GRIK1: variants seen among roughly 807,000 people sequenced by gnomAD.
GRIK1 encodes the protein glutamate ionotropic receptor kainate type subunit 1, also known as glutamate receptor ionotropic, kainate 1.
In GRIK1, 69 loss-of-function variants were observed where a neutral mutation model predicts 105.7. The ratio of observed to expected loss-of-function variants is 0.65; its 90% confidence interval spans 0.54 to 0.80. GRIK1 has a LOEUF of 0.80. GRIK1 is among the 30% of genes least tolerant of loss of function. The probability of loss-of-function intolerance (pLI) is 0.00; values close to 1 mark genes in which losing one functional copy is unlikely to be tolerated. For missense variants in GRIK1, 1,109 were observed against 1,167.3 expected, an observed-to-expected ratio of 0.95 and a Z score of 0.73; for synonymous variants, 438 against 431.3, an observed-to-expected ratio of 1.02 and a Z score of -0.19.
At chr21:29,773,543 C>G (rs928096342) in intron 1 of GRIK1, among the ~76,000 whole-genome samples, 10 of 152,098 alleles carry the variant, frequency 6.6e-5, no homozygotes, top group Non-Finnish European at 1.5e-4. Flanking sequence ...CTTTATCACA[C>G]TCTACAAAGG....
intron 5 of GRIK1, 83 bp from the exon 6 acceptor site, chr21:29,651,374 C>T: frequency 2.3e-6 from 2 of 862,440 alleles, no homozygotes; most frequent in Non-Finnish European, 1.7e-6. Context: ...GATTGTAGCA[C>T]CAACTAATAC....
At chr21:29,651,818 G>A (rs764910630) in intron 5 of GRIK1, among the ~76,000 whole-genome samples, 1 of 151,030 alleles carries the variant, frequency 6.6e-6, no homozygotes, top group African/African-American at 2.4e-5. Flanking sequence ...GCATCTATTG[G>A]AGGTCTCAGA....
chr21:29,615,600 CG>C (rs749300813), intron 7 of GRIK1, among the ~76,000 whole-genome samples: 6 of 152,180 alleles, frequency 3.9e-5, no homozygotes, highest in Non-Finnish European at 8.8e-5. Context: ...TGAGCCACGG[CG>C]CCTGGCCCCA....
At chr21:29,824,072 G>C (rs542646508) in intron 1 of GRIK1, among the ~76,000 whole-genome samples, 42 of 151,934 alleles carry the variant, frequency 2.8e-4, no homozygotes, top group African/African-American at 9.9e-4. Context: ...TCTGGTGAGG[G>C]GTGGTGGTGA....
intron 1 of GRIK1, among the ~76,000 whole-genome samples, chr21:29,699,206 T>G (rs2063766955): frequency 6.6e-6 from 1 of 152,216 alleles, no homozygotes; most frequent in Admixed American, 6.5e-5. Context: ...GGTAAGTCAC[T>G]GTTATGGACT....
At chr21:29,575,236 C>A (rs1187495020) in intron 14 of GRIK1, among the ~76,000 whole-genome samples, 4 of 151,570 alleles carry the variant, frequency 2.6e-5, no homozygotes, top group African/African-American at 7.3e-5. Context: ...TTTTTCCTAA[C>A]CTTAGTTTTT....
chr21:29,912,573 G>T (rs751064319), intron 1 of GRIK1, among the ~76,000 whole-genome samples: 5 of 151,994 alleles, frequency 3.3e-5, no homozygotes, highest in Non-Finnish European at 7.4e-5. Context: ...CTTTCAAAAG[G>T]TATATGGGAA....
intron 1 of GRIK1, among the ~76,000 whole-genome samples, chr21:29,935,088 C>A (rs2071702667): frequency 6.6e-6 from 1 of 152,142 alleles, no homozygotes; most frequent in African/African-American, 2.4e-5. Flanking sequence ...TAAACACAGG[C>A]AACTCTCCTC....
chr21:29,560,569 T>TC (rs2090449166), intron 15 of GRIK1, among the ~76,000 whole-genome samples: 1 of 132,852 alleles, frequency 7.5e-6, no homozygotes, highest in African/African-American at 3.0e-5. Context: ...TCTTTCTTTC[T>TC]TTCTTTCTCT....
At chr21:29,848,174 C>A (rs185442200) in intron 1 of GRIK1, among the ~76,000 whole-genome samples, 1 of 152,214 alleles carries the variant, frequency 6.6e-6, no homozygotes, top group East Asian at 1.9e-4. Flanking sequence ...GCACTTTTAC[C>A]ACCCTAAGAC....
intron 14 of GRIK1, among the ~76,000 whole-genome samples, chr21:29,565,374 T>C (rs918231544): frequency 2.6e-5 from 4 of 152,214 alleles, no homozygotes; most frequent in South Asian, 2.1e-4. Flanking sequence ...AAGGAATAAC[T>C]TTTTTTAATA....
chr21:29,701,692 C>G (rs1291107707), intron 1 of GRIK1, among the ~76,000 whole-genome samples: 3 of 152,156 alleles, frequency 2.0e-5, no homozygotes, highest in Non-Finnish European at 2.9e-5. Flanking sequence ...AGGGCAAGAA[C>G]AAAGCACAGG....
At chr21:29,658,008 T>C (rs145872358) in intron 4 of GRIK1, among the ~76,000 whole-genome samples, 1 of 152,356 alleles carries the variant, frequency 6.6e-6, no homozygotes, top group East Asian at 1.9e-4. Context: ...TGAATTTTGA[T>C]ACAGTACTTG....
chr21:29,718,373 CA>C (rs972438105), intron 1 of GRIK1, among the ~76,000 whole-genome samples: 17 of 151,592 alleles, frequency 1.1e-4, no homozygotes, highest in South Asian at 2.1e-4. Context: ...ATCCACTTAC[CA>C]AAAAAAATGG....
Position 29,577,021 on chromosome 21 carries a change from C to T in GRIK1, c.2073G>A (p.Lys691=), listed in dbSNP as rs771335736. ...CCGCCCCATATTCTATCTTGGTTTGCTTTGCCAGATCATCTGCCGAATCTA... is the reference window on the plus strand; with the variant it reads ...CCGCCCCATATTCTATCTTGGTTTGTTTTGCCAGATCATCTGCCGAATCTA... ...SPIDSADDLA[K]QTKIEYGAVR... The change falls in exon 14 of 18, where the codon AAG becomes AAA. Residue 691 remains lysine (K), a synonymous_variant. Coordinates refer to ENST00000327783, the MANE Select transcript of GRIK1 (RefSeq NM_001330994.2). 1.2e-6 allele frequency: 2 copies of T among 1,613,768 alleles called. No individual in the cohort carries two copies. The highest frequency in any genetic ancestry group is 1.7e-6 in the Non-Finnish European group (2 of 1,179,796).
intron 1 of GRIK1, among the ~76,000 whole-genome samples, chr21:29,803,656 C>G (rs2066774765): frequency 6.6e-6 from 1 of 152,098 alleles, no homozygotes; most frequent in Non-Finnish European, 1.5e-5. Flanking sequence ...TAGCTAACTT[C>G]CTAACTCTGT....
At chr21:29,694,510 G>A (rs2063656148) in intron 1 of GRIK1, among the ~76,000 whole-genome samples, 1 of 152,168 alleles carries the variant, frequency 6.6e-6, no homozygotes, top group Admixed American at 6.5e-5. Flanking sequence ...CGGGCTAAAA[G>A]TGAAGTTTAT....
In GRIK1 at chr21:29,800,732, G is replaced by A. The variant is rs184260730; in HGVS notation, c.119-106669C>T. 3.3e-3 allele frequency among the ~76,000 whole-genome samples: 500 copies of A among 152,324 alleles called. 1 individual carries two copies. The highest frequency in any genetic ancestry group is 0.011 in the African/African-American group (474 of 41,584). Reference sequence around the variant, plus strand: ...TAGATTGTGTAGAAAACACAAGAAAGTATAAGACATGGTCTATACCACAAA... The same window carrying A: ...TAGATTGTGTAGAAAACACAAGAAAATATAAGACATGGTCTATACCACAAA... On this transcript the variant is annotated intron_variant, in intron 1 of 17. Transcript: ENST00000327783.
chr21:29,710,867 C>T (rs1385514766), intron 1 of GRIK1, among the ~76,000 whole-genome samples: 1 of 146,996 alleles, frequency 6.8e-6, no homozygotes, highest in African/African-American at 2.5e-5. Flanking sequence ...CCCTCTCTCC[C>T]TCCTCCCACC....
Sources: allele counts gnomAD v4.1 joint callset (sites outside exome capture counted in the v4.1 genomes callset), GRCh38; gene constraint gnomAD v4.1.1; transcripts MANE v1.5; gene names NCBI Gene and HGNC (gene_info 2026-07-23, HGNC 2026-07-21).